Variants in ALMS1 observed in about 807,000 individuals in gnomAD.
ALMS1 encodes ALMS1 centrosome and basal body associated protein, also known as centrosome-associated protein ALMS1.
Under a neutral mutation model 352.2 loss-of-function variants are expected in ALMS1, and 271 were observed. The observed-to-expected ratio is 0.77, with a 90% CI of 0.70 to 0.85. The LOEUF (loss-of-function observed/expected upper bound fraction) is 0.85, where lower values mean the gene tolerates loss of function less well. Among genes scored for constraint, ALMS1 ranks in the 40% least tolerant of loss-of-function variants. ALMS1 has a pLI of 0.00. For missense variants in ALMS1, 5,445 were observed against 4,870.7 expected (o/e 1.12, Z -3.51); for synonymous variants, 1,865 against 1,761.2 (o/e 1.06, Z -1.48).
At position 73,489,889 on chromosome 2, in the gene ALMS1, A is replaced by C. The variant is rs768792676; in HGVS notation, c.7930A>C (p.Asn2644His). 5 of 1,614,040 alleles carry C rather than the reference A, an allele frequency of 3.1e-6. No homozygotes were observed. Among genetic ancestry groups the C allele is most frequent in the Admixed American group, 1.7e-5 (1 of 60,010 alleles). The change falls in exon 10 of 23, where the codon AAT (asparagine) becomes CAT (histidine). Residue 2644 changes from asparagine (N) to histidine (H), a missense_variant. By Grantham distance (68) the Asn-to-His change is moderately conservative. Coordinates refer to ENST00000613296, the MANE Select transcript of ALMS1 (RefSeq NM_001378454.1). ...DQNNSHFKVW[N>H]SLQLKSHSPF... The stretch of plus-strand genomic sequence containing the variant: ...GAACAACTCCCATTTCAAAGTTTGG[A>C]ATTCCTTGCAGTTAAAAAGTCATTC...
At chr2:73,579,541 G>A (rs767920328) in intron 16 of ALMS1, among the ~76,000 whole-genome samples, 2 of 151,814 alleles carry the variant, frequency 1.3e-5, no homozygotes, top group Non-Finnish European at 2.9e-5. Flanking sequence ...TTGTATTTTA[G>A]TAGAGACGTG....
intron 9 of ALMS1, among the ~76,000 whole-genome samples, chr2:73,456,161 C>T (rs1343388230): frequency 1.3e-5 from 2 of 152,126 alleles, no homozygotes; most frequent in African/African-American, 4.8e-5. Flanking sequence ...CTTTCCCAGT[C>T]ATATCTTTTT....
intron 10 of ALMS1, among the ~76,000 whole-genome samples, chr2:73,498,782 T>C (rs1178220749): frequency 6.6e-6 from 1 of 152,198 alleles, no homozygotes; most frequent in Non-Finnish European, 1.5e-5. Context: ...TACTCCACTG[T>C]GTATATGTAC....
chr2:73,489,017 C>G (rs1273915015), intron 9 of ALMS1, among the ~76,000 whole-genome samples: 14 of 152,130 alleles, frequency 9.2e-5, no homozygotes, highest in Non-Finnish European at 1.8e-4. Flanking sequence ...GGAAAGTGAG[C>G]TCTGTTCCTT....
At chr2:73,443,657 A>G (rs1671758633) in intron 7 of ALMS1, among the ~76,000 whole-genome samples, 3 of 151,640 alleles carry the variant, frequency 2.0e-5, no homozygotes, top group African/African-American at 7.3e-5. Flanking sequence ...TAATATATAT[A>G]TTTTTGCACC....
rs980941333 is a variant in ALMS1 at position 73,560,614 on chromosome 2, G to A, written c.10384+1472G>A. ...CCTGTATACTCATGTTTATTGCAGC[G>A]TTATTTATAATCAAGAGGTGGAAGC... is the stretch of plus-strand genomic sequence containing the variant. On this transcript the variant is annotated intron_variant, in intron 15 of 22. Transcript: ENST00000613296. Among the ~76,000 whole-genome samples the A allele has an allele frequency of 8.5e-5, 13 of 152,226 alleles. No individual in the cohort carries two copies. The South Asian group carries it at 2.1e-3, about 24-fold the overall frequency.
intron 1 of ALMS1, among the ~76,000 whole-genome samples, chr2:73,395,074 A>ATTTT (rs1286212985): frequency 5.9e-5 from 6 of 101,212 alleles, no homozygotes; most frequent in South Asian, 2.6e-4. Context: ...ATATATATAT[A>ATTTT]TATATTTTTT....
intron 15 of ALMS1, among the ~76,000 whole-genome samples, chr2:73,564,294 C>T (rs912761104): frequency 4.0e-5 from 6 of 151,792 alleles, no homozygotes; most frequent in Admixed American, 6.6e-5. Flanking sequence ...GGCGAAACCC[C>T]GTCTCTACTG....
intron 7 of ALMS1, among the ~76,000 whole-genome samples, chr2:73,446,832 C>G (rs904955367): frequency 6.6e-6 from 1 of 152,160 alleles, no homozygotes; most frequent in African/African-American, 2.4e-5. Context: ...AGGTCCCACC[C>G]AGACCTACTG....
chr2:73,467,834 C>CA (rs1050327241), intron 9 of ALMS1, among the ~76,000 whole-genome samples: 3 of 152,102 alleles, frequency 2.0e-5, no homozygotes, highest in African/African-American at 7.2e-5. Context: ...AAGCCAGACA[C>CA]AAAGAGTCAT....
At chr2:73,472,255 G>A (rs754313312) in intron 9 of ALMS1, among the ~76,000 whole-genome samples, 1 of 151,920 alleles carries the variant, frequency 6.6e-6, no homozygotes, top group Non-Finnish European at 1.5e-5. Context: ...TCAATATTGG[G>A]AAATTTATAA....
intron 10 of ALMS1, among the ~76,000 whole-genome samples, chr2:73,504,611 T>G (rs952034711): frequency 7.2e-5 from 11 of 152,246 alleles, no homozygotes; most frequent in Non-Finnish European, 1.5e-4. Flanking sequence ...TATCAGTAGT[T>G]AATTTCTTTG....
chr2:73,548,303 T>C (rs762647962), intron 12 of ALMS1, among the ~76,000 whole-genome samples: 5 of 152,222 alleles, frequency 3.3e-5, no homozygotes, highest in Admixed American at 6.5e-5. Flanking sequence ...ATGTTAACTC[T>C]TGTGCTGCCC....
intron 1 of ALMS1, 151 bp downstream of exon 1, chr2:73,386,343 C>T (rs1574424295): frequency 2.6e-6 from 3 of 1,139,330 alleles, no homozygotes; most frequent in Non-Finnish European, 3.5e-6. Flanking sequence ...AGCCCAGGTG[C>T]CGGCCGGCTG....
At chr2:73,581,975 C>T (rs1009379863) in intron 16 of ALMS1, among the ~76,000 whole-genome samples, 2 of 152,106 alleles carry the variant, frequency 1.3e-5, no homozygotes, top group African/African-American at 4.8e-5. Context: ...ATCTCCTGAC[C>T]TCGTGATCTG....
Position 73,453,063 on chromosome 2 carries a change from C to T in ALMS1, c.6536C>T (p.Thr2179Ile), listed in dbSNP as rs1671983106. 2 of 1,613,786 alleles carry T rather than the reference C, an allele frequency of 1.2e-6. No homozygotes were observed. The highest frequency in any genetic ancestry group is 2.2e-5 in the South Asian group (2 of 91,056). The change falls in exon 8 of 23, where the codon ACC becomes ATC. Residue 2179 changes from threonine to isoleucine, a missense_variant. By Grantham distance (89) the Thr-to-Ile change is moderately conservative (BLOSUM62 -1). Coordinates refer to ENST00000613296, the MANE Select transcript of ALMS1 (RefSeq NM_001378454.1). ...SSALGQADQITGLQTVPSGTY... is the reference protein window; with the variant it reads ...SSALGQADQIIGLQTVPSGTY... ...GCTCTTGGGCAAGCTGATCAAATTA[C>T]CGGATTACAAACAGTTCCCTCTGGT...
rs755931726 is a variant in ALMS1, at chr2:73,602,382, G to A, written c.12298+14G>A. On this transcript the variant is annotated intron_variant, in intron 20 of 22. Transcript: ENST00000613296. Reference sequence around the variant, plus strand: ...TGCCCAAGAGAGGTACGCCCTGCCCGTTCACTTTCCTGTGAGTGGAATAGA... The same window carrying A: ...TGCCCAAGAGAGGTACGCCCTGCCCATTCACTTTCCTGTGAGTGGAATAGA... The A allele has an allele frequency of 7.7e-5, 125 of 1,613,722 alleles. No individual in the cohort carries two copies. The highest frequency in any genetic ancestry group is 5.8e-5 in the Non-Finnish European group (69 of 1,179,862).
Position 73,385,903 on chromosome 2 carries a change from T to TCGAGGAGGA in ALMS1, c.35_36insCGAGGAGGA (p.Glu26_Glu28dup). 4.3e-6 allele frequency: 3 copies of TCGAGGAGGA among 700,560 alleles called. No individual in the cohort carries two copies. The highest frequency in any genetic ancestry group is 5.7e-5 in the East Asian group (2 of 35,224). The allele number at this position is 700,560 out of a possible 1,614,324, so 43.4% of individuals were successfully genotyped here. A position where few individuals can be genotyped will look rare whatever the true frequency, so the allele number is the denominator to read the frequency against. ...GAGGATCTGCCATGGCCGGGCGAGC[T>TCGAGGAGGA]GGAGGAGGAGGAGGAGGAGGAGGAG... is the stretch of plus-strand genomic sequence containing the variant. On this transcript the variant is annotated inframe_insertion, in exon 1 of 23. Transcript: ENST00000613296.
chr2:73,474,795 A>G (rs780125825), intron 9 of ALMS1, among the ~76,000 whole-genome samples: 2 of 152,166 alleles, frequency 1.3e-5, no homozygotes, highest in Admixed American at 6.6e-5. Context: ...TCTTTATCTC[A>G]GTATAATTTA....
Sources: allele counts gnomAD v4.1 joint callset (sites outside exome capture counted in the v4.1 genomes callset), GRCh38; gene constraint gnomAD v4.1.1; transcripts MANE v1.5; gene names NCBI Gene and HGNC (gene_info 2026-07-23, HGNC 2026-07-21).